CCNP: variants seen among roughly 807,000 people sequenced by gnomAD.
The protein encoded by CCNP is cyclin P.
CCNP carries 18 observed loss-of-function variants against 19.6 expected under a neutral mutation model. That is an observed-to-expected ratio of 0.92 (90% CI 0.64 to 1.36). The LOEUF is 1.36. CCNP is among the 40% of genes most tolerant of loss of function. The pLI is 0.00. For synonymous variants in CCNP, 228 were observed against 194.9 expected, an observed-to-expected ratio of 1.17 and a Z score of -1.41; for missense variants, 440 against 424.4, an observed-to-expected ratio of 1.04 and a Z score of -0.32.
In CCNP at chr19:40,226,575, G is replaced by T. The variant is rs776178935; in HGVS notation, c.67C>A (p.Pro23Thr). Residue 23 changes from proline (P) to threonine (T), a missense_variant, in exon 1 of 5, where the codon CCC becomes ACC. Physicochemically the swap from Pro to Thr is conservative, Grantham distance 38 (BLOSUM62 -1). Transcript: ENST00000430325. ...RLGPIVRRWA[P>T]RPSPLQSLAA... ...AGACTCTGCAAAGGAGAGGGCCTGG[G>T]GGCCCAGCGCCTAACGATAGGCCCG... The T allele has an allele frequency of 6.3e-7, 1 of 1,577,192 alleles. No individual in the cohort carries two copies. The highest frequency in any genetic ancestry group is 1.2e-5 in the South Asian group (1 of 86,356).
chr19:40,222,581 G>C lies in CCNP; in HGVS notation c.*471C>G, dbSNP rs527640693. ...AGAAGCGTCGATGTGGTTCCCCACGGACGGGTCGGGGGCTCTCTTGAGATC... is the reference window on the plus strand; with the variant it reads ...AGAAGCGTCGATGTGGTTCCCCACGCACGGGTCGGGGGCTCTCTTGAGATC... On this transcript the variant is annotated 3_prime_UTR_variant, in exon 5 of 5. Coordinates refer to ENST00000430325, the MANE Select transcript of CCNP (RefSeq NM_024877.4). 1 of 397,824 alleles carries C rather than the reference G, an allele frequency of 2.5e-6. No homozygotes were observed. The highest frequency in any genetic ancestry group is 1.3e-4 in the South Asian group (1 of 7,548). The allele number at this position is 397,824 out of a possible 1,614,324, so 24.6% of individuals were successfully genotyped here.
chr19:40,224,528 A>G lies in CCNP; in HGVS notation c.473T>C (p.Leu158Pro). ...HRLQLLGVAC[L>P]FVACKMEECV... ...CTCTTCCATTTTGCACGCCACAAAC[A>G]GGCAAGCCACGCCCAGCAGCTGCAG... The change falls in exon 3 of 5, where the codon CTG becomes CCG. Residue 158 changes from leucine (L) to proline (P), a missense_variant. By Grantham distance (98) the Leu-to-Pro change is moderately conservative (BLOSUM62 -3). Transcript: ENST00000430325. The G allele has an allele frequency of 6.2e-7, 1 of 1,614,216 alleles. No homozygotes were observed. Among genetic ancestry groups the G allele is most frequent in the Non-Finnish European group, 8.5e-7 (1 of 1,180,042 alleles).
intron 1 of CCNP, chr19:40,225,062 C>CTTTTTT (rs11301448): frequency 7.6e-4 from 283 of 373,246 alleles, no homozygotes; most frequent in African/African-American, 6.2e-3. Flanking sequence ...CCAGACTTCA[C>CTTTTTT]TTTTTTTTTT....
At chr19:40,223,664 T>C in intron 3 of CCNP, 118 bp from the exon 4 acceptor site, 1 of 1,436,166 alleles carries the variant, frequency 7.0e-7, no homozygotes, top group Non-Finnish European at 9.7e-7. Context: ...AATGGGGCCA[T>C]TGACTTGTGT....
chr19:40,225,171 C>T (rs367803203), intron 1 of CCNP, among the ~76,000 whole-genome samples: 34 of 151,970 alleles, frequency 2.2e-4, no homozygotes, highest in African/African-American at 7.7e-4. Context: ...GCGATTCTCC[C>T]GCCTCAGCCT....
At position 40,223,211 on chromosome 19, in the gene CCNP, C is replaced by A. The variant is rs1973477385; in HGVS notation, c.765G>T (p.Leu255=). The A allele has an allele frequency of 1.9e-6, 3 of 1,549,640 alleles. 1 individual carries two copies. In the South Asian group the frequency reaches 3.6e-5, roughly 18 times the overall value. ...CGTCGAGCAAGCGGTGCGCCAGGCT[C>A]AGAGCCGCAGCCGCACGACGACCCG... ...WEPGRRAAAA[L]SLAHRLLDGA... The change falls in exon 5 of 5, where the codon CTG becomes CTT. Residue 255 remains leucine (L), a synonymous_variant. Transcript: ENST00000430325.
chr19:40,226,294 G>T, intron 1 of CCNP, 81 bp downstream of exon 1: 1 of 1,230,602 alleles, frequency 8.1e-7, no homozygotes. Flanking sequence ...CTGGAGCGGT[G>T]GGAGTTCAGA....
rs1973456072 is a variant in CCNP, at chr19:40,222,287, T to C, written c.*765A>G. ...GTTTTGTTTTTTGTTGTTGATTTTT[T>C]TGTGACTGAGTCCCAGTACTCAGGG... On this transcript the variant is annotated 3_prime_UTR_variant, in exon 5 of 5. Transcript: ENST00000430325. The C allele has an allele frequency of 2.5e-6, 1 of 398,878 alleles. No individual in the cohort carries two copies. The highest frequency in any genetic ancestry group is 4.4e-6 in the Non-Finnish European group (1 of 225,988). 24.7% of individuals were successfully genotyped at this position (398,878 alleles called of 1,614,324 possible).
chr19:40,226,121 G>C (rs1053967697), intron 1 of CCNP, among the ~76,000 whole-genome samples: 1 of 152,236 alleles, frequency 6.6e-6, no homozygotes, highest in Non-Finnish European at 1.5e-5. Flanking sequence ...AAATGTGGAG[G>C]ACAAGTACAG....
rs755241609 is a variant in CCNP, at chr19:40,224,512, T to C, written c.489A>G (p.Lys163=). 34 of 1,613,986 alleles carry C rather than the reference T, an allele frequency of 2.1e-5. 1 individual carries two copies. In the South Asian group the frequency reaches 3.6e-4, roughly 17 times the overall value. The part of the protein sequence containing the change: ...LGVACLFVAC[K]MEECVLPEPA... Reference sequence around the variant, plus strand: ...CCTCGGGAAGCACGCACTCTTCCATTTTGCACGCCACAAACAGGCAAGCCA... The same window carrying C: ...CCTCGGGAAGCACGCACTCTTCCATCTTGCACGCCACAAACAGGCAAGCCA... Residue 163 remains lysine, a synonymous_variant, in exon 3 of 5, where the codon AAA becomes AAG. Transcript: ENST00000430325.
chr19:40,224,492 G>A lies in CCNP; in HGVS notation c.509C>T (p.Pro170Leu), dbSNP rs1568501637. The A allele has an allele frequency of 5.6e-6, 9 of 1,614,016 alleles. No individual in the cohort carries two copies. Among genetic ancestry groups the A allele is most frequent in the Non-Finnish European group, 7.6e-6 (9 of 1,179,980 alleles). The change falls in exon 3 of 5, where the codon CCC becomes CTC. Residue 170 changes from proline (P) to leucine (L), a missense_variant. Physicochemically the swap from Pro to Leu is moderately conservative, Grantham distance 98 (BLOSUM62 -3). Coordinates refer to ENST00000430325, the MANE Select transcript of CCNP (RefSeq NM_024877.4). ...VACKMEECVL[P>L]EPAFLCLLSA... ...CAAACCCCACCCCGGAAGTACCTCG[G>A]GAAGCACGCACTCTTCCATTTTGCA...
Position 40,223,264 on chromosome 19 carries a change from G to A in CCNP, c.712C>T (p.Leu238=), listed in dbSNP as rs1050530888. Residue 238 remains leucine (L), a synonymous_variant, in exon 5 of 5, where the codon CTG becomes TTG. Coordinates refer to ENST00000430325, the MANE Select transcript of CCNP (RefSeq NM_024877.4). The part of the protein sequence containing the change: ...LATYFLELSL[L]EAEAAGWEPG... Reference sequence around the variant, plus strand: ...TCCCATCCCGCCGCCTCGGCCTCCAGCAAAGACAGCTCCAGGAAGTAGGTG... The same window carrying A: ...TCCCATCCCGCCGCCTCGGCCTCCAACAAAGACAGCTCCAGGAAGTAGGTG... 28 of 1,542,162 alleles carry A rather than the reference G, an allele frequency of 1.8e-5. No individual in the cohort carries two copies. Among genetic ancestry groups the A allele is most frequent in the Non-Finnish European group, 2.4e-5 (27 of 1,141,252 alleles).
chr19:40,226,282 G>T, intron 1 of CCNP, 93 bp downstream of exon 1: 2 of 1,123,540 alleles, frequency 1.8e-6, no homozygotes, highest in Non-Finnish European at 2.6e-6. Context: ...AGGGAGGAGA[G>T]GCTGGAGCGG....
Position 40,224,480 on chromosome 19 carries a change from G to A in CCNP, c.513+8C>T, listed in dbSNP as rs1973508669. The A allele has an allele frequency of 5.8e-6, 9 of 1,562,090 alleles. No homozygotes were observed. The highest frequency in any genetic ancestry group is 2.2e-5 in the South Asian group (2 of 90,402). ...CATCCACCCTCCCAAACCCCACCCC[G>A]GAAGTACCTCGGGAAGCACGCACTC... On this transcript the variant is annotated splice_region_variant and intron_variant, in intron 3 of 4. Coordinates refer to ENST00000430325, the MANE Select transcript of CCNP (RefSeq NM_024877.4).
intron 1 of CCNP, 60 bp from the exon 2 acceptor site, chr19:40,224,871 C>T: frequency 2.1e-6 from 3 of 1,438,936 alleles, no homozygotes; most frequent in Non-Finnish European, 2.8e-6. Context: ...TTCTCCTGAG[C>T]TCCAGCCCTG....
At position 40,224,538 on chromosome 19, in the gene CCNP, C is replaced by T. The variant is rs1013881302; in HGVS notation, c.463G>A (p.Val155Met). ...VRLHRLQLLG[V>M]ACLFVACKME... The stretch of plus-strand genomic sequence containing the variant: ...TTGCACGCCACAAACAGGCAAGCCA[C>T]GCCCAGCAGCTGCAGGCGATGTAGA... The change falls in exon 3 of 5, where the codon GTG becomes ATG. Residue 155 changes from valine to methionine, a missense_variant. Val to Met is a conservative substitution (Grantham distance 21, BLOSUM62 1). Transcript: ENST00000430325. 2 of 1,614,244 alleles carry T rather than the reference C, an allele frequency of 1.2e-6. No individual in the cohort carries two copies. Among genetic ancestry groups the T allele is most frequent in the Non-Finnish European group, 1.7e-6 (2 of 1,180,046 alleles).
chr19:40,225,229 T>C (rs1164633765), intron 1 of CCNP, among the ~76,000 whole-genome samples: 35 of 151,934 alleles, frequency 2.3e-4, no homozygotes, highest in Admixed American at 2.3e-3. Flanking sequence ...CCGGCTAATT[T>C]TTATATTTTT....
rs2145120175 is a variant in CCNP at position 40,226,342 on chromosome 19, G to A, written c.267+33C>T. 1 of 1,588,080 alleles carries A rather than the reference G, an allele frequency of 6.3e-7. No individual in the cohort carries two copies. Among genetic ancestry groups the A allele is most frequent in the African/African-American group, 1.3e-5 (1 of 74,662 alleles). On this transcript the variant is annotated intron_variant, in intron 1 of 4. Transcript: ENST00000430325. ...GGGTGCCGGGCGGTGGGCCGGCGTC[G>A]CCCTCACCAGGGCAGGCGGCGGGTA...
rs1448404748 is a variant in CCNP at position 40,223,461 on chromosome 19, T to C, written c.599A>G (p.Asp200Gly). The C allele has an allele frequency of 6.2e-7, 1 of 1,610,750 alleles. No homozygotes were observed. Among genetic ancestry groups the C allele is most frequent in the Non-Finnish European group, 8.5e-7 (1 of 1,178,448 alleles). ...CGGGCCGGGGTGGTGCAGCCGGAAA[T>C]CCAGGCGGCTCAGGATGCGACGCTC... ...RAERRILSRL[D>G]FRLHHPGPLL... The change falls in exon 4 of 5, where the codon GAT becomes GGT. Residue 200 changes from aspartate to glycine, a missense_variant. By Grantham distance (94) the Asp-to-Gly change is moderately conservative (BLOSUM62 -1). Transcript: ENST00000430325.
Sources: gnomAD v4.1 joint callset for allele counts (sites outside exome capture counted in the v4.1 genomes callset) on GRCh38, gnomAD v4.1.1 for gene constraint, MANE v1.5 for transcripts, NCBI Gene and HGNC (gene_info 2026-07-23, HGNC 2026-07-21) for gene names.